Variants in PTPRJ observed in about 807,000 individuals in gnomAD.
PTPRJ encodes protein tyrosine phosphatase receptor type J.
A neutral mutation model predicts 141.3 loss-of-function variants in PTPRJ; 129 were observed. That is an observed-to-expected ratio of 0.91 (90% confidence interval 0.79 to 1.06). PTPRJ has a LOEUF of 1.06. PTPRJ is among the 50% of genes least tolerant of loss of function. PTPRJ has a pLI of 0.00. For synonymous variants in PTPRJ, 610 were observed against 640.5 expected (o/e 0.95, Z 0.72); for missense variants, 1,601 against 1,679.7 (o/e 0.95, Z 0.82).
intron 1 of PTPRJ, among the ~76,000 whole-genome samples, chr11:48,077,565 C>G (rs576172402): frequency 6.6e-6 from 1 of 152,168 alleles, no homozygotes; most frequent in Admixed American, 6.5e-5. Context: ...TTCCAGGACT[C>G]CCCCCGACAG....
intron 14 of PTPRJ, 134 bp from the exon 15 acceptor site, chr11:48,146,742 T>C (rs1190836795): frequency 4.2e-6 from 3 of 718,600 alleles, no homozygotes; most frequent in Non-Finnish European, 7.6e-6. Flanking sequence ...CGCCTGTGTG[T>C]GTGTGTGCAT....
chr11:48,035,529 TTTC>T (rs1188489871), intron 1 of PTPRJ, among the ~76,000 whole-genome samples: 5 of 136,676 alleles, frequency 3.7e-5, no homozygotes, highest in Non-Finnish European at 6.1e-5. Context: ...TTCTTTTTTC[TTTC>T]TTCTTCTTTT....
intron 1 of PTPRJ, among the ~76,000 whole-genome samples, chr11:48,095,773 G>T (rs1487754596): frequency 6.6e-6 from 1 of 152,096 alleles, no homozygotes; most frequent in Non-Finnish European, 1.5e-5. Context: ...TAGAGACAGG[G>T]TTTTGCCATG....
At chr11:48,159,123 G>GGGTGTGTC (rs1555058316) in intron 21 of PTPRJ, among the ~76,000 whole-genome samples, 1 of 139,468 alleles carries the variant, frequency 7.2e-6, no homozygotes, top group Non-Finnish European at 1.5e-5. Context: ...TGTATGTGGG[G>GGGTGTGTC]TGTGTGTGTG....
In PTPRJ at chr11:47,980,714, C is replaced by G; in HGVS notation, c.-199C>G. 2.0e-6 allele frequency: 2 copies of G among 998,692 alleles called. No homozygotes were observed. The highest frequency in any genetic ancestry group is 2.4e-6 in the Non-Finnish European group (2 of 840,432). The allele number at this position is 998,692 out of a possible 1,614,324, so 61.9% of individuals were successfully genotyped here. On this transcript the variant is annotated 5_prime_UTR_variant, in exon 1 of 25. Coordinates refer to ENST00000418331, the MANE Select transcript of PTPRJ (RefSeq NM_002843.4). ...CCCCCCGCGGCAGCCGCGCTAGGCTCCGGCGTGTGGCCGCGGCCGCCGCCG... is the reference window on the plus strand; with the variant it reads ...CCCCCCGCGGCAGCCGCGCTAGGCTGCGGCGTGTGGCCGCGGCCGCCGCCG...
intron 1 of PTPRJ, among the ~76,000 whole-genome samples, chr11:48,102,368 T>C (rs551785573): frequency 1.3e-5 from 2 of 152,250 alleles, no homozygotes; most frequent in South Asian, 4.1e-4. Context: ...GCCAGATGTA[T>C]TTCTGAGAAG....
At chr11:48,098,933 T>C (rs1283124185) in intron 1 of PTPRJ, among the ~76,000 whole-genome samples, 2 of 152,240 alleles carry the variant, frequency 1.3e-5, no homozygotes, top group African/African-American at 2.4e-5. Flanking sequence ...ATTGGGTTGA[T>C]TGAAATCTAG....
chr11:48,100,653 C>T (rs991603962), intron 1 of PTPRJ, among the ~76,000 whole-genome samples: 27 of 152,104 alleles, frequency 1.8e-4, no homozygotes, highest in Non-Finnish European at 1.0e-4. Context: ...GAGGCCAAGG[C>T]GGGTGGATCA....
chr11:48,165,236 A>T (rs1205320360), intron 24 of PTPRJ, among the ~76,000 whole-genome samples: 1 of 152,236 alleles, frequency 6.6e-6, no homozygotes, highest in Admixed American at 6.5e-5. Flanking sequence ...AACATTAATG[A>T]TGTGACATAT....
chr11:48,130,719 A>G lies in PTPRJ; in HGVS notation c.1615+3A>G, dbSNP rs771401598. 5 of 1,599,556 alleles carry G rather than the reference A, an allele frequency of 3.1e-6. No homozygotes were observed. In the East Asian group the frequency reaches 1.1e-4, roughly 36 times the overall value. On this transcript the variant is annotated splice_donor_region_variant and intron_variant, in intron 8 of 24. Coordinates refer to ENST00000418331, the MANE Select transcript of PTPRJ (RefSeq NM_002843.4). ...TCGGACAGTTTGCAATAGAACTGGT[A>G]AGCAAATAGGCTTTTCTGTTAAACC...
chr11:48,047,832 G>T (rs1854450061), intron 1 of PTPRJ, among the ~76,000 whole-genome samples: 1 of 152,166 alleles, frequency 6.6e-6, no homozygotes. Context: ...ATTGGGGGTG[G>T]GGTGGGGCTG....
chr11:48,101,887 G>A (rs1011367876), intron 1 of PTPRJ, among the ~76,000 whole-genome samples: 2 of 152,190 alleles, frequency 1.3e-5, no homozygotes, highest in Admixed American at 6.5e-5. Context: ...CATGGTGGCA[G>A]TGTGAGGGGC....
At position 48,139,692 on chromosome 11, in the gene PTPRJ, A is replaced by G. The variant is rs548908370; in HGVS notation, c.2359A>G (p.Thr787Ala). 40 of 1,614,038 alleles carry G rather than the reference A, an allele frequency of 2.5e-5. No individual in the cohort carries two copies. The South Asian group carries it at 2.7e-4, about 11-fold the overall frequency. Residue 787 changes from threonine (T) to alanine (A), a missense_variant, in exon 11 of 25, where the codon ACC becomes GCC. Thr to Ala is a moderately conservative substitution (Grantham distance 58). Transcript: ENST00000418331. Reference sequence around the variant, plus strand: ...GGAAGTCACGTATTTGAATTTTTCTACCTCGTACAACATCAGCATCACCAC... The same window carrying G: ...GGAAGTCACGTATTTGAATTTTTCTGCCTCGTACAACATCAGCATCACCAC... ...RTEVTYLNFSTSYNISITTVS... is the reference protein window; with the variant it reads ...RTEVTYLNFSASYNISITTVS...
intron 3 of PTPRJ, 67 bp downstream of exon 3, chr11:48,113,050 TTTTCCAAATACTG>T (rs1670726896): frequency 8.9e-6 from 12 of 1,344,654 alleles, no homozygotes; most frequent in Non-Finnish European, 1.2e-5. Context: ...AAATGTCATG[TTTTCCAAATACTG>T]TTCTTCTTTT....
chr11:48,102,821 C>T (rs1052376245), intron 1 of PTPRJ, among the ~76,000 whole-genome samples: 17 of 152,144 alleles, frequency 1.1e-4, no homozygotes, highest in African/African-American at 3.9e-4. Flanking sequence ...AATTTAGGAC[C>T]CCCAGATTTA....
intron 15 of PTPRJ, among the ~76,000 whole-genome samples, chr11:48,148,169 G>A (rs1490424342): frequency 2.0e-5 from 3 of 151,998 alleles, no homozygotes; most frequent in African/African-American, 7.3e-5. Flanking sequence ...TTTTGGGGGG[G>A]GAAATGGATC....
chr11:48,162,566 T>G (rs1243741630), intron 22 of PTPRJ, among the ~76,000 whole-genome samples: 8 of 152,240 alleles, frequency 5.3e-5, no homozygotes, highest in Non-Finnish European at 1.5e-5. Context: ...TTTCCAAATT[T>G]TGAATACTGC....
chr11:48,139,777 G>T lies in PTPRJ; in HGVS notation c.2443+1G>T, dbSNP rs1857190901. 6.2e-7 allele frequency: 1 copy of T among 1,613,516 alleles called. No individual in the cohort carries two copies. ...AACACCTGCACTACTGGCATCACAGGTGGGCTACAAGGCAGGGGCTGGTCA... is the reference window on the plus strand; with the variant it reads ...AACACCTGCACTACTGGCATCACAGTTGGGCTACAAGGCAGGGGCTGGTCA... On this transcript the variant is annotated splice_donor_variant, in intron 11 of 24. Transcript: ENST00000418331. LOFTEE classifies it high-confidence loss of function.
At chr11:48,019,491 C>T (rs183662478) in intron 1 of PTPRJ, among the ~76,000 whole-genome samples, 30 of 152,166 alleles carry the variant, frequency 2.0e-4, no homozygotes, top group Non-Finnish European at 3.7e-4. Context: ...CATTTGCTCA[C>T]GTCTAGAAAG....
Sources: allele counts gnomAD v4.1 joint callset (sites outside exome capture counted in the v4.1 genomes callset), GRCh38; gene constraint gnomAD v4.1.1; transcripts MANE v1.5; gene names NCBI Gene and HGNC (gene_info 2026-07-23, HGNC 2026-07-21).